NBEAL1: variants seen among roughly 807,000 people sequenced by gnomAD.
NBEAL1 encodes neurobeachin-like protein 1.
Under a neutral mutation model 351.3 loss-of-function variants are expected in NBEAL1, and 273 were observed. That is an observed-to-expected ratio of 0.78 (90% confidence interval 0.70 to 0.86). The LOEUF is 0.86. Ranked by LOEUF, NBEAL1 falls within the 40% of genes least tolerant of loss-of-function variation. NBEAL1 has a pLI of 0.00. For synonymous variants in NBEAL1, 1,050 were observed against 1,086.4 expected (o/e 0.97, Z 0.66); for missense variants, 2,961 against 3,201.3 (o/e 0.92, Z 1.81).
chr2:203,032,845 G>T (rs1021222061), intron 2 of NBEAL1, among the ~76,000 whole-genome samples: 3 of 143,690 alleles, frequency 2.1e-5, no homozygotes, highest in Admixed American at 1.4e-4. Context: ...TTGTATTTTT[G>T]GTAGAGACAG....
rs1210864560 is a variant in NBEAL1 at position 203,219,290 on chromosome 2, T to C, written c.*1936T>C. On this transcript the variant is annotated 3_prime_UTR_variant, in exon 56 of 56. Transcript: ENST00000683969. ...TTTGTTATTTATCCAGAGATTTTGATGTAAAAATGCCTTCATTTTTAAGAT... is the reference window on the plus strand; with the variant it reads ...TTTGTTATTTATCCAGAGATTTTGACGTAAAAATGCCTTCATTTTTAAGAT... The C allele has an allele frequency of 6.6e-6, 1 of 152,146 alleles. No homozygotes were observed. The highest frequency in any genetic ancestry group is 2.4e-5 in the African/African-American group (1 of 41,436). 9.4% of individuals were successfully genotyped at this position (152,146 alleles called of 1,614,324 possible).
chr2:203,176,701 C>T (rs1305300168), intron 42 of NBEAL1, among the ~76,000 whole-genome samples: 2 of 143,276 alleles, frequency 1.4e-5, no homozygotes, highest in African/African-American at 2.6e-5. Context: ...CACTGCACTC[C>T]AGGCTGGGTG....
chr2:203,155,065 TG>T (rs1283774987), intron 35 of NBEAL1, among the ~76,000 whole-genome samples: 1 of 150,964 alleles, frequency 6.6e-6, no homozygotes, highest in East Asian at 2.0e-4. Flanking sequence ...GACAACATAA[TG>T]AGACCTCATC....
chr2:203,075,937 G>A (rs2061763695), intron 7 of NBEAL1, among the ~76,000 whole-genome samples: 1 of 152,124 alleles, frequency 6.6e-6, no homozygotes. Context: ...TTAATTATAA[G>A]TTTCTATCCA....
Position 203,190,318 on chromosome 2 carries a change from G to C in NBEAL1, c.6850G>C (p.Asp2284His). ...EGAVDLDALT[D>H]EKERKALEGM... Reference sequence around the variant, plus strand: ...AGCTGTGGATCTGGATGCCTTAACAGATGAGAAAGAAAGAAAAGCCTTAGA... The same window carrying C: ...AGCTGTGGATCTGGATGCCTTAACACATGAGAAAGAAAGAAAAGCCTTAGA... The change falls in exon 46 of 56, where the codon GAT becomes CAT. Residue 2284 changes from aspartate (D) to histidine (H), a missense_variant. Asp to His is a moderately conservative substitution (Grantham distance 81). Transcript: ENST00000683969. 1 of 1,611,958 alleles carries C rather than the reference G, an allele frequency of 6.2e-7. No individual in the cohort carries two copies. The highest frequency in any genetic ancestry group is 8.5e-7 in the Non-Finnish European group (1 of 1,179,542).
chr2:203,092,970 C>A (rs1208982005), intron 10 of NBEAL1, among the ~76,000 whole-genome samples: 1 of 152,110 alleles, frequency 6.6e-6, no homozygotes. Flanking sequence ...CGGTAGCTCA[C>A]ACCTGTAATC....
intron 34 of NBEAL1, among the ~76,000 whole-genome samples, chr2:203,151,211 A>G (rs2063642272): frequency 6.6e-6 from 1 of 152,144 alleles, no homozygotes; most frequent in South Asian, 2.1e-4. Flanking sequence ...CATGCCTGTA[A>G]TCCCTGCTAT....
intron 3 of NBEAL1, among the ~76,000 whole-genome samples, chr2:203,046,509 G>A (rs373047646): frequency 1.2e-4 from 19 of 152,126 alleles, no homozygotes; most frequent in African/African-American, 4.1e-4. Flanking sequence ...ATGAGCCACC[G>A]CACCCGGCCA....
chr2:203,123,670 T>C (rs1054704139), intron 19 of NBEAL1, among the ~76,000 whole-genome samples: 2 of 152,146 alleles, frequency 1.3e-5, no homozygotes, highest in Non-Finnish European at 2.9e-5. Context: ...TAGTAGGATT[T>C]ATGACATGAA....
chr2:203,121,131 G>A (rs545330714), intron 18 of NBEAL1, among the ~76,000 whole-genome samples: 3 of 152,206 alleles, frequency 2.0e-5, no homozygotes, highest in Admixed American at 2.0e-4. Flanking sequence ...AATGCAGCCA[G>A]AATTGTCTGG....
chr2:203,027,611 A>G (rs888873079), intron 2 of NBEAL1, among the ~76,000 whole-genome samples: 1 of 152,196 alleles, frequency 6.6e-6, no homozygotes, highest in Non-Finnish European at 1.5e-5. Context: ...AGGTGAATTT[A>G]TACCTCTTTT....
rs148547449 is a variant in NBEAL1, at chr2:203,155,133, A to T, written c.5588-2566A>T. On this transcript the variant is annotated intron_variant, in intron 35 of 55. Transcript: ENST00000683969. ...TGCAGTCATGTGCGCCCATGATCCC[A>T]GGTACTTGGGAGGCTGAGGTGAGAG... Among the ~76,000 whole-genome samples, 11 of 150,422 alleles carry T rather than the reference A, an allele frequency of 7.3e-5. No individual in the cohort carries two copies. In the East Asian group the frequency reaches 2.2e-3, roughly 30 times the overall value.
intron 53 of NBEAL1, among the ~76,000 whole-genome samples, chr2:203,209,711 A>ATGTGTGTGTGTG (rs1491566182): frequency 0.036 from 1,181 of 32,862 alleles, 3 homozygotes; most frequent in Middle Eastern, 0.13. Flanking sequence ...TATTTAATTA[A>ATGTGTGTGTGTG]TATGTGTGTG....
intron 7 of NBEAL1, 34 bp from the exon 8 acceptor site, chr2:203,077,718 C>A (rs1231694279): frequency 9.6e-6 from 11 of 1,141,896 alleles, no homozygotes; most frequent in Non-Finnish European, 1.3e-5. Context: ...AAAGACAAAT[C>A]TTATTTATTT....
intron 10 of NBEAL1, among the ~76,000 whole-genome samples, chr2:203,089,927 T>C (rs2062033228): frequency 6.6e-6 from 1 of 152,208 alleles, no homozygotes; most frequent in Non-Finnish European, 1.5e-5. Context: ...AAGAATAAAA[T>C]TTAATTGGTT....
intron 31 of NBEAL1, among the ~76,000 whole-genome samples, chr2:203,141,366 ATTTTTTTTTTTTTTTTT>A (rs71034219): frequency 5.5e-4 from 5 of 9,108 alleles, no homozygotes; most frequent in East Asian, 3.0e-3. Context: ...TATTATTATT[ATTTTTTTTTTTTTTTTT>A]TTTTTTTTTT....
At position 203,108,059 on chromosome 2, in the gene NBEAL1, G is replaced by A; in HGVS notation, c.1820G>A (p.Gly607Glu). The A allele has an allele frequency of 6.4e-7, 1 of 1,552,672 alleles. No individual in the cohort carries two copies. Among genetic ancestry groups the A allele is most frequent in the South Asian group, 1.2e-5 (1 of 84,150 alleles). Reference sequence around the variant, plus strand: ...TTCAATTTGTCACATAGTATGGCAGGAATTTCTGTGCCTCCCATACAGAAA... The same window carrying A: ...TTCAATTTGTCACATAGTATGGCAGAAATTTCTGTGCCTCCCATACAGAAA... ...QYFNLSHSMA[G>E]ISVPPIQKWP... The change falls in exon 14 of 56, where the codon GGA becomes GAA. Residue 607 changes from glycine (G) to glutamate (E), a missense_variant. By Grantham distance (98) the Gly-to-Glu change is moderately conservative. Coordinates refer to ENST00000683969, the MANE Select transcript of NBEAL1 (RefSeq NM_001378026.1).
intron 24 of NBEAL1, among the ~76,000 whole-genome samples, chr2:203,129,732 A>C (rs1233613073): frequency 1.3e-5 from 2 of 152,238 alleles, no homozygotes; most frequent in African/African-American, 4.8e-5. Context: ...ACAAAGTTCT[A>C]TGAGGTTTTC....
chr2:203,071,579 T>C (rs2061683813), intron 7 of NBEAL1, among the ~76,000 whole-genome samples: 1 of 152,150 alleles, frequency 6.6e-6, no homozygotes, highest in Admixed American at 6.5e-5. Flanking sequence ...ATCCATTTTA[T>C]CCCAACAGCC....
Sources: allele counts gnomAD v4.1 joint callset (sites outside exome capture counted in the v4.1 genomes callset), GRCh38; gene constraint gnomAD v4.1.1; transcripts MANE v1.5; gene names NCBI Gene and HGNC (gene_info 2026-07-23, HGNC 2026-07-21).